Variants in PACRG observed in about 807,000 individuals in gnomAD.
The protein encoded by PACRG is parkin coregulated gene protein.
A neutral mutation model predicts 29.7 loss-of-function variants in PACRG; 29 were observed. That is an observed-to-expected ratio of 0.98 (90% CI 0.73 to 1.33). The LOEUF (loss-of-function observed/expected upper bound fraction) is 1.33, where lower values mean the gene tolerates loss of function less well. Ranked by LOEUF, PACRG falls within the 40% of genes most tolerant of loss-of-function variation. The probability of loss-of-function intolerance (pLI) is 0.00; values close to 1 mark genes in which losing one functional copy is unlikely to be tolerated. For synonymous variants in PACRG, 116 were observed against 118.7 expected (o/e 0.98, Z 0.15); for missense variants, 279 against 316.2 (o/e 0.88, Z 0.89).
intron 2 of PACRG, among the ~76,000 whole-genome samples, chr6:162,984,436 G>A (rs1205909719): frequency 2.6e-5 from 4 of 152,126 alleles, no homozygotes; most frequent in Middle Eastern, 3.4e-3. Flanking sequence ...GGGCATATGG[G>A]CTGGTTCCAT....
intron 3 of PACRG, among the ~76,000 whole-genome samples, chr6:163,084,851 C>CATATATATAATATATATATAATATATTAT (rs55973249): frequency 2.5e-4 from 34 of 138,696 alleles, no homozygotes; most frequent in African/African-American, 8.8e-4. Flanking sequence ...CATATGTGTG[C>CATATATATAATATATATATAATATATTAT]ATATATATAA....
intron 2 of PACRG, among the ~76,000 whole-genome samples, chr6:163,035,810 C>T (rs931624758): frequency 4.2e-4 from 35 of 82,864 alleles, no homozygotes; most frequent in African/African-American, 1.6e-3. Context: ...GAGACTCTGT[C>T]TCAAAAAAAA....
intron 2 of PACRG, among the ~76,000 whole-genome samples, chr6:163,006,226 A>G (rs1030313606): frequency 2.1e-5 from 3 of 145,906 alleles, no homozygotes; most frequent in African/African-American, 5.0e-5. Context: ...ATATATATGT[A>G]TATATATGGG....
intron 2 of PACRG, among the ~76,000 whole-genome samples, chr6:162,947,439 AATATATATAATC>A (rs1238880177): frequency 5.7e-5 from 3 of 52,882 alleles, no homozygotes; most frequent in African/African-American, 1.1e-4. Context: ...ATATATATAA[AATATATATAATC>A]ATATATATAA....
chr6:162,996,794 C>T (rs1171327770), intron 2 of PACRG, among the ~76,000 whole-genome samples: 1 of 152,086 alleles, frequency 6.6e-6, no homozygotes. Flanking sequence ...TCTTTCTTCT[C>T]TTGTTTTTCA....
chr6:163,254,227 G>T (rs2128173087), intron 4 of PACRG, among the ~76,000 whole-genome samples: 1 of 152,302 alleles, frequency 6.6e-6, no homozygotes. Flanking sequence ...TAAGGCAGCT[G>T]CTCTGGAAGA....
chr6:163,084,860 AAT>A (rs1294637979), intron 3 of PACRG, among the ~76,000 whole-genome samples: 3 of 147,164 alleles, frequency 2.0e-5, no homozygotes, highest in African/African-American at 7.5e-5. Context: ...GCATATATAT[AAT>A]ATATATATTA....
At position 163,152,353 on chromosome 6, in the gene PACRG, A is replaced by G. The variant is rs1373792184; in HGVS notation, c.613+62945A>G. 2.0e-5 allele frequency among the ~76,000 whole-genome samples: 3 copies of G among 152,220 alleles called. No individual in the cohort carries two copies. The South Asian group carries it at 6.2e-4, about 32-fold the overall frequency. On this transcript the variant is annotated intron_variant, in intron 4 of 4. Transcript: ENST00000366888. ...CAAACTTCTCTCGAAATCCTGTTAC[A>G]TCTGGGGTCTTTGAAGTACACCTTG...
intron 2 of PACRG, among the ~76,000 whole-genome samples, chr6:163,048,744 G>A (rs1421246419): frequency 2.6e-5 from 4 of 152,122 alleles, no homozygotes; most frequent in Non-Finnish European, 5.9e-5. Context: ...ATCGCTGGGT[G>A]ATTTTAAAGT....
intron 3 of PACRG, among the ~76,000 whole-genome samples, chr6:163,085,541 A>C (rs1294806958): frequency 6.6e-6 from 1 of 152,220 alleles, no homozygotes; most frequent in Non-Finnish European, 1.5e-5. Flanking sequence ...TCCCAGTGAC[A>C]CATCCAGTCA....
upstream of PACRG, chr6:162,727,613 G>A (rs1399051928): frequency 5.8e-6 from 9 of 1,559,390 alleles, no homozygotes; most frequent in Admixed American, 9.1e-5. Context: ...GCGCCATACC[G>A]GGGCGTGGGG....
At chr6:162,781,653 G>A (rs1487123919) in intron 1 of PACRG, among the ~76,000 whole-genome samples, 3 of 151,684 alleles carry the variant, frequency 2.0e-5, no homozygotes, top group Non-Finnish European at 4.4e-5. Context: ...ATTGTTGTAA[G>A]GTTTTTATAT....
chr6:162,836,052 T>G (rs957697328), intron 2 of PACRG, among the ~76,000 whole-genome samples: 7 of 152,194 alleles, frequency 4.6e-5, no homozygotes, highest in African/African-American at 1.4e-4. Context: ...CTGTCCTAAA[T>G]CTTGAATTCT....
chr6:163,144,285 GCACT>G (rs1403614223), intron 4 of PACRG, among the ~76,000 whole-genome samples: 2 of 148,820 alleles, frequency 1.3e-5, no homozygotes, highest in African/African-American at 4.9e-5. Flanking sequence ...GACTGACCAT[GCACT>G]CACTCCATCA....
At chr6:162,997,393 A>T (rs1471662830) in intron 2 of PACRG, 3 of 454,264 alleles carry the variant, frequency 6.6e-6, no homozygotes, top group Non-Finnish European at 1.3e-5. Context: ...ACACTTATTT[A>T]CCTCCTTCTT....
intron 2 of PACRG, among the ~76,000 whole-genome samples, chr6:162,821,563 A>G (rs1295814603): frequency 6.6e-6 from 1 of 152,208 alleles, no homozygotes. Flanking sequence ...GCCAAAGCTA[A>G]GCTGCCACCC....
chr6:163,057,356 C>T (rs950102248), intron 2 of PACRG, among the ~76,000 whole-genome samples: 7 of 152,160 alleles, frequency 4.6e-5, no homozygotes, highest in African/African-American at 1.7e-4. Flanking sequence ...ATTTTGGTCT[C>T]ATTATACTTG....
upstream of PACRG, chr6:162,727,954 G>A: frequency 1.7e-6 from 1 of 595,284 alleles, no homozygotes; most frequent in East Asian, 2.9e-5. Context: ...GGGGCTATGC[G>A]CCCGCCGTGT....
At chr6:163,084,001 C>T (rs1813312525) in intron 3 of PACRG, among the ~76,000 whole-genome samples, 1 of 152,094 alleles carries the variant, frequency 6.6e-6, no homozygotes, top group African/African-American at 2.4e-5. Flanking sequence ...CCACCCTTGA[C>T]TTCAAATTAT....
Sources: allele counts gnomAD v4.1 joint callset (sites outside exome capture counted in the v4.1 genomes callset), GRCh38; gene constraint gnomAD v4.1.1; transcripts MANE v1.5; gene names NCBI Gene and HGNC (gene_info 2026-07-23, HGNC 2026-07-21).